Variants in LRRC4C observed in about 807,000 individuals in gnomAD.
The protein encoded by LRRC4C is leucine rich repeat containing 4C.
In LRRC4C, 5 loss-of-function variants were observed where a neutral mutation model predicts 33.6. The ratio of observed to expected loss-of-function variants is 0.15; its 90% confidence interval spans 0.08 to 0.31. The LOEUF is 0.31. Ranked by LOEUF, LRRC4C falls within the 10% of genes least tolerant of loss-of-function variation. The pLI is 1.00. For synonymous variants in LRRC4C, 329 were observed against 302.0 expected (o/e 1.09, Z -0.93); for missense variants, 560 against 796.7 (o/e 0.70, Z 3.58).
chr11:40,858,908 A>G (rs1418671112), intron 2 of LRRC4C, among the ~76,000 whole-genome samples: 2 of 152,124 alleles, frequency 1.3e-5, no homozygotes, highest in African/African-American at 2.4e-5. Context: ...ATTGATTTCC[A>G]TTAAAAAAAT....
At chr11:40,670,217 T>C (rs1944022422) in intron 2 of LRRC4C, among the ~76,000 whole-genome samples, 1 of 152,180 alleles carries the variant, frequency 6.6e-6, no homozygotes, top group Non-Finnish European at 1.5e-5. Flanking sequence ...TCACCTTCAC[T>C]AGACAAGGGC....
At chr11:40,841,594 G>A (rs1952916491) in intron 2 of LRRC4C, among the ~76,000 whole-genome samples, 1 of 152,198 alleles carries the variant, frequency 6.6e-6, no homozygotes, top group Non-Finnish European at 1.5e-5. Context: ...GCCAGGGAGA[G>A]AGCCCTCACC....
chr11:40,138,921 A>G (rs953084069), intron 6 of LRRC4C, among the ~76,000 whole-genome samples: 1 of 152,210 alleles, frequency 6.6e-6, no homozygotes, highest in Non-Finnish European at 1.5e-5. Flanking sequence ...AGTGACAGCC[A>G]AGAGTTCCTT....
At chr11:40,633,314 C>A (rs1316182760) in intron 3 of LRRC4C, among the ~76,000 whole-genome samples, 2 of 124,886 alleles carry the variant, frequency 1.6e-5, no homozygotes, top group African/African-American at 2.9e-5. Context: ...CTTAGCTCAG[C>A]CAAGTTTTCT....
At chr11:40,857,023 G>T (rs1382102607) in intron 2 of LRRC4C, among the ~76,000 whole-genome samples, 3 of 152,144 alleles carry the variant, frequency 2.0e-5, no homozygotes. Context: ...TTATAGATGA[G>T]GCCTAAAGAC....
chr11:41,344,070 G>A (rs149708928), intron 1 of LRRC4C, among the ~76,000 whole-genome samples: 27 of 152,114 alleles, frequency 1.8e-4, no homozygotes, highest in African/African-American at 6.0e-4. Flanking sequence ...CCTTTGATTC[G>A]TTTTGATGAT....
At chr11:41,270,136 T>C (rs1004450018) in intron 1 of LRRC4C, among the ~76,000 whole-genome samples, 1 of 152,082 alleles carries the variant, frequency 6.6e-6, no homozygotes, top group Admixed American at 6.6e-5. Flanking sequence ...GGCCTTGATA[T>C]TGGAAATTCA....
At chr11:41,453,354 A>G (rs1030726358) in intron 1 of LRRC4C, among the ~76,000 whole-genome samples, 1 of 152,088 alleles carries the variant, frequency 6.6e-6, no homozygotes, top group Non-Finnish European at 1.5e-5. Flanking sequence ...TATATTAGGG[A>G]CCCATTGGTT....
At chr11:41,312,072 C>T (rs1314083356) in intron 1 of LRRC4C, among the ~76,000 whole-genome samples, 1 of 152,178 alleles carries the variant, frequency 6.6e-6, no homozygotes, top group Non-Finnish European at 1.5e-5. Context: ...AATCCCTATG[C>T]CCCTCTATTG....
chr11:40,741,053 T>A (rs1378897356), intron 2 of LRRC4C, among the ~76,000 whole-genome samples: 2 of 152,188 alleles, frequency 1.3e-5, no homozygotes, highest in African/African-American at 4.8e-5. Context: ...TCAAGTATGA[T>A]CTTTTGACTA....
chr11:40,767,306 G>T (rs1474661958), intron 2 of LRRC4C, among the ~76,000 whole-genome samples: 6 of 151,872 alleles, frequency 4.0e-5, no homozygotes, highest in African/African-American at 1.5e-4. Context: ...CTCCAACAAT[G>T]GATCACCCAG....
chr11:40,605,747 A>G (rs1028983377), intron 3 of LRRC4C, among the ~76,000 whole-genome samples: 1 of 152,190 alleles, frequency 6.6e-6, no homozygotes, highest in Non-Finnish European at 1.5e-5. Flanking sequence ...GGGATCATCA[A>G]TAACAAAAGC....
At position 41,031,365 on chromosome 11, in the gene LRRC4C, A is replaced by G. The variant is rs555480154; in HGVS notation, c.-495-97642T>C. Among the ~76,000 whole-genome samples the G allele has an allele frequency of 2.6e-3, 388 of 152,060 alleles. 1 individual carries two copies. Among genetic ancestry groups the G allele is most frequent in the Admixed American group, 7.5e-3 (115 of 15,250 alleles). ...GTGTAGTGCTTAATCTCTTATGGGCACCCGGTATATCTTTGCTAAATAAAA... is the reference window on the plus strand; with the variant it reads ...GTGTAGTGCTTAATCTCTTATGGGCGCCCGGTATATCTTTGCTAAATAAAA... On this transcript the variant is annotated intron_variant, in intron 1 of 6. Transcript: ENST00000528697.
chr11:40,692,979 A>T (rs563380026), intron 2 of LRRC4C, among the ~76,000 whole-genome samples: 1 of 152,280 alleles, frequency 6.6e-6, no homozygotes, highest in African/African-American at 2.4e-5. Context: ...AGATTAATAC[A>T]GAACTATGAG....
At chr11:40,458,845 G>T (rs981074301) in intron 3 of LRRC4C, among the ~76,000 whole-genome samples, 1 of 152,140 alleles carries the variant, frequency 6.6e-6, no homozygotes. Context: ...AACTCAGAGA[G>T]AATGTTTTCC....
At chr11:41,443,089 A>ATTTTTTTTTTTTT in intron 1 of LRRC4C, among the ~76,000 whole-genome samples, 11 of 105,994 alleles carry the variant, frequency 1.0e-4, no homozygotes, top group East Asian at 5.9e-4. Context: ...TGTTTGCTTC[A>ATTTTTTTTTTTTT]TTTTTTTTTT....
chr11:40,180,233 T>C (rs944565540), intron 5 of LRRC4C, among the ~76,000 whole-genome samples: 3 of 152,248 alleles, frequency 2.0e-5, no homozygotes, highest in African/African-American at 7.2e-5. Context: ...AAGAATGTTT[T>C]TACAACTAGA....
At position 40,189,085 on chromosome 11, in the gene LRRC4C, C is replaced by T. The variant is rs138614101; in HGVS notation, c.-95-48232G>A. Among the ~76,000 whole-genome samples the T allele has an allele frequency of 8.5e-4, 130 of 152,208 alleles. 1 individual carries two copies. Among genetic ancestry groups the T allele is most frequent in the African/African-American group, 2.5e-3 (102 of 41,536 alleles). On this transcript the variant is annotated intron_variant, in intron 5 of 6. Coordinates refer to ENST00000528697, the MANE Select transcript of LRRC4C (RefSeq NM_001258419.2). ...GATCTGGGCCAGGCCTTTATTCATACGCTTGGGCTCTAAGATTTAGGTCAC... is the reference window on the plus strand; with the variant it reads ...GATCTGGGCCAGGCCTTTATTCATATGCTTGGGCTCTAAGATTTAGGTCAC...
intron 1 of LRRC4C, among the ~76,000 whole-genome samples, chr11:41,051,083 A>T (rs1169456227): frequency 6.6e-6 from 1 of 152,178 alleles, no homozygotes; most frequent in Non-Finnish European, 1.5e-5. Context: ...ATAACAAAAA[A>T]GATATCCAAT....
Sources: allele counts gnomAD v4.1 joint callset (sites outside exome capture counted in the v4.1 genomes callset), GRCh38; gene constraint gnomAD v4.1.1; transcripts MANE v1.5; gene names NCBI Gene and HGNC (gene_info 2026-07-23, HGNC 2026-07-21).